The following SHROOM2 variants were observed in gnomAD, a reference collection of about 807,000 sequenced individuals.
SHROOM2 encodes the protein protein Shroom2.
A neutral mutation model predicts 75.9 loss-of-function variants in SHROOM2; 33 were observed. The observed-to-expected ratio is 0.43, with a 90% confidence interval of 0.33 to 0.58. SHROOM2 has a LOEUF of 0.58. SHROOM2 is among the 20% of genes least tolerant of loss of function. The pLI is 0.04. For missense variants in SHROOM2, 1,434 were observed against 1,461.2 expected, an observed-to-expected ratio of 0.98 and a Z score of 0.30; for synonymous variants, 655 against 663.6, an observed-to-expected ratio of 0.99 and a Z score of 0.20.
intron 2 of SHROOM2, among the ~76,000 whole-genome samples, chrX:9,877,033 G>A (rs2084204482): frequency 8.9e-6 from 1 of 112,160 alleles, no homozygotes; most frequent in Admixed American, 9.4e-5. Context: ...GCTGCTACAC[G>A]TCTTATTTTG....
chrX:9,848,520 A>AAAAAAAAAG (rs2084019751), intron 1 of SHROOM2, among the ~76,000 whole-genome samples: 1 of 100,826 alleles, frequency 9.9e-6, no homozygotes, highest in African/African-American at 3.5e-5. Context: ...CAAAAAAAAA[A>AAAAAAAAAG]AAAAAAAAAA....
At chrX:9,868,849 G>A (rs1265333597) in intron 1 of SHROOM2, among the ~76,000 whole-genome samples, 5 of 101,887 alleles carry the variant, frequency 4.9e-5, no homozygotes, top group Non-Finnish European at 2.0e-5. Flanking sequence ...CAAAGTGGTG[G>A]GATTCCAGGC....
intron 2 of SHROOM2, among the ~76,000 whole-genome samples, chrX:9,879,257 TATTTA>T (rs1252933766): frequency 3.6e-5 from 4 of 111,042 alleles, no homozygotes; most frequent in African/African-American, 1.3e-4. Flanking sequence ...TATTTTTTTT[TATTTA>T]ATTTTATTTT....
In SHROOM2 at chrX:9,896,319, C is replaced by T. The variant is rs769119274; in HGVS notation, c.2411C>T (p.Thr804Met). The T allele has an allele frequency of 6.6e-6, 8 of 1,210,792 alleles. No homozygotes were observed. Among genetic ancestry groups the T allele is most frequent in the Non-Finnish European group, 7.8e-6 (7 of 895,281 alleles). Residue 804 changes from threonine to methionine, a missense_variant, in exon 4 of 10, where the codon ACG (threonine) becomes ATG (methionine). Thr to Met is a moderately conservative substitution (Grantham distance 81). Coordinates refer to ENST00000380913, the MANE Select transcript of SHROOM2 (RefSeq NM_001649.4). ...FADRWKFFEE[T>M]SKPVPQRPAQ... The stretch of plus-strand genomic sequence containing the variant: ...GACAGGTGGAAGTTTTTTGAGGAAA[C>T]GAGCAAACCTGTTCCCCAGAGGCCT...
intron 1 of SHROOM2, among the ~76,000 whole-genome samples, chrX:9,870,501 A>G (rs961802088): frequency 9.8e-5 from 11 of 112,289 alleles, no homozygotes; most frequent in African/African-American, 2.9e-4. Context: ...AATCATCTAT[A>G]TTCATAGAGA....
chrX:9,926,958 A>G (rs952654037), intron 5 of SHROOM2, among the ~76,000 whole-genome samples: 6 of 110,814 alleles, frequency 5.4e-5, no homozygotes, highest in Non-Finnish European at 1.9e-5. Context: ...TTTAGAAAGC[A>G]CTCAGGCGCT....
chrX:9,946,049 T>A (rs1208788113), intron 9 of SHROOM2, among the ~76,000 whole-genome samples: 2 of 112,687 alleles, frequency 1.8e-5, no homozygotes, highest in Admixed American at 1.9e-4. Flanking sequence ...CTCAGCCGAG[T>A]GCTTAGTAAC....
chrX:9,815,434 A>ATATG (rs762949348), intron 1 of SHROOM2, among the ~76,000 whole-genome samples: 8 of 88,721 alleles, frequency 9.0e-5, no homozygotes, highest in African/African-American at 3.4e-4. Flanking sequence ...TATACATATT[A>ATATG]TGTGTGTGTG....
chrX:9,915,474 G>T (rs1247940915), intron 5 of SHROOM2, among the ~76,000 whole-genome samples: 1 of 112,108 alleles, frequency 8.9e-6, no homozygotes, highest in Non-Finnish European at 1.9e-5. Flanking sequence ...TGACAGCTAA[G>T]CCTACTTCGG....
chrX:9,930,563 G>A (rs973303363), intron 5 of SHROOM2, among the ~76,000 whole-genome samples: 2 of 110,363 alleles, frequency 1.8e-5, no homozygotes, highest in Non-Finnish European at 3.8e-5. Flanking sequence ...GAAATGAAAT[G>A]GAATATTGAA....
intron 3 of SHROOM2, among the ~76,000 whole-genome samples, chrX:9,892,146 A>G (rs2084297289): frequency 9.2e-6 from 1 of 108,194 alleles, no homozygotes; most frequent in Non-Finnish European, 1.9e-5. Flanking sequence ...CCAGCTACTC[A>G]GGAGACTGAG....
chrX:9,939,057 C>T (rs1382754251), intron 7 of SHROOM2, 138 bp from the exon 8 acceptor site: 10 of 458,925 alleles, frequency 2.2e-5, no homozygotes, highest in Non-Finnish European at 3.2e-5. Context: ...TTACTTTTCC[C>T]CCTTTGGCTG....
chrX:9,941,171 C>A (rs918582071), intron 8 of SHROOM2, among the ~76,000 whole-genome samples: 2 of 112,129 alleles, frequency 1.8e-5, no homozygotes, highest in Non-Finnish European at 3.8e-5. Flanking sequence ...AGGGCCCAGA[C>A]AGAATAGACC....
intron 2 of SHROOM2, among the ~76,000 whole-genome samples, chrX:9,889,104 A>G (rs2084276499): frequency 8.9e-6 from 1 of 111,967 alleles, no homozygotes; most frequent in Non-Finnish European, 1.9e-5. Context: ...GAGGATTTTG[A>G]GAAATTCCAT....
At chrX:9,941,647 T>A (rs1569180073) in intron 8 of SHROOM2, among the ~76,000 whole-genome samples, 1 of 111,541 alleles carries the variant, frequency 9.0e-6, no homozygotes, top group Non-Finnish European at 1.9e-5. Context: ...AATCTACATT[T>A]CCGTAATTGC....
chrX:9,818,807 G>T, intron 1 of SHROOM2: 2 of 482,677 alleles, frequency 4.1e-6, no homozygotes, highest in South Asian at 3.0e-5. Context: ...ATGTTGGCCC[G>T]CTCCTCAACT....
intron 1 of SHROOM2, chrX:9,818,452 T>C: frequency 8.4e-6 from 2 of 236,981 alleles, no homozygotes; most frequent in Non-Finnish European, 8.3e-6. Flanking sequence ...CTTAAAGGCC[T>C]TTTTCCGACC....
chrX:9,894,003 G>A (rs985370278), intron 3 of SHROOM2, among the ~76,000 whole-genome samples: 2 of 110,441 alleles, frequency 1.8e-5, no homozygotes, highest in East Asian at 5.7e-4. Context: ...GAGTTGTGGT[G>A]TGGCCACCCC....
intron 1 of SHROOM2, among the ~76,000 whole-genome samples, chrX:9,864,335 T>G (rs1246907788): frequency 9.0e-6 from 1 of 111,034 alleles, no homozygotes; most frequent in African/African-American, 3.3e-5. Flanking sequence ...GCCTCTCTGA[T>G]AGGGAGAGCC....
Sources: gnomAD v4.1 joint callset for allele counts (sites outside exome capture counted in the v4.1 genomes callset) on GRCh38, gnomAD v4.1.1 for gene constraint, MANE v1.5 for transcripts, NCBI Gene and HGNC (gene_info 2026-07-23, HGNC 2026-07-21) for gene names.